Variants in ELMO2 observed in about 807,000 individuals in gnomAD.
ELMO2 encodes engulfment and cell motility protein 2.
Under a neutral mutation model 96.2 loss-of-function variants are expected in ELMO2, and 37 were observed. That is an observed-to-expected ratio of 0.38 (90% CI 0.30 to 0.51). The LOEUF (loss-of-function observed/expected upper bound fraction) is 0.51. Among genes scored for constraint, ELMO2 ranks in the 20% least tolerant of loss-of-function variants. The pLI, the probability that ELMO2 is intolerant of heterozygous loss-of-function variation, is 0.88. For missense variants in ELMO2, 561 were observed against 912.6 expected (o/e 0.61, Z 4.96); for synonymous variants, 315 against 329.4 (o/e 0.96, Z 0.47).
At position 46,401,443 on chromosome 20, in the gene ELMO2, A is replaced by G. The variant is rs541268466; in HGVS notation, c.-125-2672T>C. Among the ~76,000 whole-genome samples the G allele has an allele frequency of 2.6e-5, 4 of 152,304 alleles. No individual in the cohort carries two copies. The South Asian group carries it at 8.3e-4, about 32-fold the overall frequency. The stretch of plus-strand genomic sequence containing the variant: ...AAAGCCACAAACTTACATAGAGGCA[A>G]AGGTGTGGTGAGAAGGGGTGTGGGG... On this transcript the variant is annotated intron_variant, in intron 1 of 21. Coordinates refer to ENST00000290246, the MANE Select transcript of ELMO2 (RefSeq NM_133171.5).
intron 1 of ELMO2, 102 bp downstream of exon 1, chr20:46,406,446 C>T (rs1299907385): frequency 1.3e-5 from 2 of 152,548 alleles, no homozygotes; most frequent in South Asian, 2.1e-4. Context: ...GGAGCAGACG[C>T]TAGCCGCAAC....
chr20:46,370,541 A>T lies in ELMO2; in HGVS notation c.1802-16T>A, dbSNP rs1211929082. 1.2e-6 allele frequency: 2 copies of T among 1,612,444 alleles called. No homozygotes were observed. The highest frequency in any genetic ancestry group is 3.3e-5 in the Admixed American group (2 of 59,952). Reference sequence around the variant, plus strand: ...GCAACAGGAACTGATAAATGATGGGAATTAGTCTCTGGAAGTTCATGCTGC... The same window carrying T: ...GCAACAGGAACTGATAAATGATGGGTATTAGTCTCTGGAAGTTCATGCTGC... On this transcript the variant is annotated splice_polypyrimidine_tract_variant and intron_variant, in intron 19 of 21. Transcript: ENST00000290246.
Position 46,398,776 on chromosome 20 carries a change from A to G in ELMO2, c.-125-5T>C, listed in dbSNP as rs1347128815. On this transcript the variant is annotated splice_region_variant and splice_polypyrimidine_tract_variant and intron_variant, in intron 1 of 21. Coordinates refer to ENST00000290246, the MANE Select transcript of ELMO2 (RefSeq NM_133171.5). ...ACCTCTTTCTACACCTCCCTCCTAA[A>G]AGAAGGAAGGAAAGAAAAAAAATGA... is the stretch of plus-strand genomic sequence containing the variant. 2.0e-5 allele frequency: 3 copies of G among 152,184 alleles called. No homozygotes were observed. Among genetic ancestry groups the G allele is most frequent in the Non-Finnish European group, 4.4e-5 (3 of 68,028 alleles). 9.4% of individuals were successfully genotyped at this position (152,184 alleles called of 1,614,324 possible).
At chr20:46,388,592 CGT>C (rs3079791) in intron 7 of ELMO2, among the ~76,000 whole-genome samples, 15,852 of 146,776 alleles carry the variant, frequency 0.11, 1,063 homozygotes, top group African/African-American at 0.19. Context: ...CAAAGGAAGG[CGT>C]GTGTGTGTGT....
intron 2 of ELMO2, among the ~76,000 whole-genome samples, chr20:46,398,453 C>A (rs1424398500): frequency 6.6e-6 from 1 of 152,146 alleles, no homozygotes; most frequent in Non-Finnish European, 1.5e-5. Context: ...GCTGGAATTA[C>A]AGATACTCAC....
At chr20:46,385,434 G>A (rs2060024503) in intron 9 of ELMO2, among the ~76,000 whole-genome samples, 2 of 152,332 alleles carry the variant, frequency 1.3e-5, no homozygotes. Context: ...CCTAACCCAG[G>A]TTGGCCTCTA....
chr20:46,389,508 T>C (rs888607470), intron 6 of ELMO2, among the ~76,000 whole-genome samples: 12 of 152,136 alleles, frequency 7.9e-5, no homozygotes, highest in African/African-American at 2.9e-4. Context: ...CCACTAACGA[T>C]GGTAAGTCAC....
At position 46,367,158 on chromosome 20, in the gene ELMO2, C is replaced by T; in HGVS notation, c.*202G>A. Reference sequence around the variant, plus strand: ...TCATGGTGATGGAGTGGGCAGAGCACCCTGCCTTCATGACTCTTAGTAGAC... The same window carrying T: ...TCATGGTGATGGAGTGGGCAGAGCATCCTGCCTTCATGACTCTTAGTAGAC... On this transcript the variant is annotated 3_prime_UTR_variant, in exon 22 of 22. Transcript: ENST00000290246. 6.3e-6 allele frequency: 3 copies of T among 474,160 alleles called. No homozygotes were observed. The highest frequency in any genetic ancestry group is 1.1e-5 in the Non-Finnish European group (3 of 275,002). The allele number at this position is 474,160 out of a possible 1,614,324, so 29.4% of individuals were successfully genotyped here.
rs773100352 is a variant in ELMO2 at position 46,371,341 on chromosome 20, A to C, written c.1801+11T>G. On this transcript the variant is annotated intron_variant, in intron 19 of 21. Transcript: ENST00000290246. The surrounding 1 kb of genome is among the most constrained non-coding windows in gnomAD (Gnocchi z 5.9). ...AGCAACCATGACACATCAACAGAGAAATGAACCTACTTTTCTCCTGCAGGG... is the reference window on the plus strand; with the variant it reads ...AGCAACCATGACACATCAACAGAGACATGAACCTACTTTTCTCCTGCAGGG... 1.1e-5 allele frequency: 17 copies of C among 1,613,514 alleles called. No homozygotes were observed.
At chr20:46,376,742 A>G in intron 11 of ELMO2, 1 of 1,289,246 alleles carries the variant, frequency 7.8e-7, no homozygotes, top group Non-Finnish European at 1.0e-6. Context: ...TTCTTGCCCA[A>G]ATGAGGCTCT....
At chr20:46,385,937 G>A (rs1052244874) in intron 9 of ELMO2, among the ~76,000 whole-genome samples, 187 bp downstream of exon 9, 3 of 152,172 alleles carry the variant, frequency 2.0e-5, no homozygotes, top group African/African-American at 7.2e-5. Context: ...TTTTGGGCAG[G>A]AGCATGACAT....
intron 9 of ELMO2, among the ~76,000 whole-genome samples, chr20:46,385,141 G>A (rs1414362578): frequency 6.6e-5 from 10 of 152,140 alleles, no homozygotes; most frequent in Non-Finnish European, 1.0e-4. Flanking sequence ...ACTTCCCCTC[G>A]AACTGGTGGG....
Position 46,393,618 on chromosome 20 carries a change from CA to C in ELMO2, c.120-18del, listed in dbSNP as rs2060195577. The C allele has an allele frequency of 6.2e-7, 1 of 1,612,308 alleles. No individual in the cohort carries two copies. The highest frequency in any genetic ancestry group is 1.3e-5 in the African/African-American group (1 of 74,854). On this transcript the variant is annotated intron_variant, in intron 4 of 21. Transcript: ENST00000290246. ...AACGACCACCTATGCAAGAGAAAAA[CA>C]GTATATCCCACTTGGCCACTCTCTT...
chr20:46,389,356 CTAAA>C lies in ELMO2; in HGVS notation c.244-140_244-137del, dbSNP rs374757366. ...GTTTTTTCACACAGCTTAGGAGTTG[CTAAA>C]TAAATGTTTGTGGAATCAATCAGGG... On this transcript the variant is annotated intron_variant, in intron 6 of 21. Transcript: ENST00000290246. 1.1e-4 allele frequency: 88 copies of C among 833,844 alleles called. 1 individual carries two copies. The South Asian group carries it at 1.5e-3, about 14-fold the overall frequency. The allele number at this position is 833,844 out of a possible 1,614,324, so 51.7% of individuals were successfully genotyped here. A position where few individuals can be genotyped will look rare whatever the true frequency, so the allele number is the denominator to read the frequency against.
chr20:46,371,247 G>T lies in ELMO2; in HGVS notation c.1801+105C>A. 1 of 1,131,610 alleles carries T rather than the reference G, an allele frequency of 8.8e-7. No homozygotes were observed. The highest frequency in any genetic ancestry group is 2.4e-5 in the East Asian group (1 of 42,068). The allele number at this position is 1,131,610 out of a possible 1,614,324, so 70.1% of individuals were successfully genotyped here. A position where few individuals can be genotyped will look rare whatever the true frequency, so the allele number is the denominator to read the frequency against. ...CAGATAAGGAAACAGGTCCAGAGAGGTAACAGGTACAAGCCCAGATGATCA... is the reference window on the plus strand; with the variant it reads ...CAGATAAGGAAACAGGTCCAGAGAGTTAACAGGTACAAGCCCAGATGATCA... On this transcript the variant is annotated intron_variant, in intron 19 of 21. Coordinates refer to ENST00000290246, the MANE Select transcript of ELMO2 (RefSeq NM_133171.5). The surrounding 1 kb of genome is among the most constrained non-coding windows in gnomAD (Gnocchi z 5.9).
intron 6 of ELMO2, among the ~76,000 whole-genome samples, chr20:46,391,477 T>A (rs1163286758): frequency 6.6e-6 from 1 of 152,140 alleles, no homozygotes; most frequent in African/African-American, 2.4e-5. Context: ...ATACCTCCCC[T>A]CCTCTCAGAT....
chr20:46,388,986 T>C, intron 7 of ELMO2, 53 bp downstream of exon 7: 1 of 1,565,454 alleles, frequency 6.4e-7, no homozygotes, highest in Admixed American at 1.7e-5. Context: ...GGATGCCCTG[T>C]GGGATGTAGT....
At chr20:46,379,388 G>C (rs1321497777) in intron 11 of ELMO2, among the ~76,000 whole-genome samples, 1 of 152,094 alleles carries the variant, frequency 6.6e-6, no homozygotes, top group Non-Finnish European at 1.5e-5. Context: ...CCCACAGGTG[G>C]TAACAGGGAT....
At chr20:46,393,938 A>C in intron 4 of ELMO2, 111 bp downstream of exon 4, 1 of 1,435,578 alleles carries the variant, frequency 7.0e-7, no homozygotes, top group Non-Finnish European at 9.7e-7. Flanking sequence ...CAAGACCCCC[A>C]TGCTGAGGAC....
Sources: gnomAD v4.1 joint callset for allele counts (sites outside exome capture counted in the v4.1 genomes callset) on GRCh38, gnomAD v4.1.1 for gene constraint, Gnocchi (gnomAD v3.1) non-coding constraint, MANE v1.5 for transcripts, NCBI Gene and HGNC (gene_info 2026-07-23, HGNC 2026-07-21) for gene names.